PRP4K: variants seen among roughly 807,000 people sequenced by gnomAD.
The protein encoded by PRP4K is pre-mRNA processing factor kinase PRP4K, also known as serine/threonine-protein kinase PRP4 homolog.
the PRP4K span, chr6:4,052,876 A>G: frequency 6.2e-7 from 1 of 1,605,428 alleles, no homozygotes; most frequent in South Asian, 1.1e-5. Flanking sequence ...ATATCCTGGT[A>G]AGTCAAACAG....
chr6:4,062,096 A>G, the PRP4K span: 1 of 152,676 alleles, frequency 6.5e-6, no homozygotes, highest in African/African-American at 2.4e-5. The surrounding 1 kb of genome is among the most constrained non-coding windows in gnomAD (Gnocchi z 4.2). Context: ...AAAAAATCCT[A>G]CAAATATTGT....
the PRP4K span, chr6:4,037,500 A>G: frequency 6.2e-7 from 1 of 1,614,136 alleles, no homozygotes; most frequent in Non-Finnish European, 8.5e-7. Context: ...ATCTCCCATT[A>G]GAAGGAGGTC....
chr6:4,021,516 AG>A, the PRP4K span: 4 of 1,559,742 alleles, frequency 2.6e-6, no homozygotes, highest in South Asian at 2.4e-5. Flanking sequence ...GGGACTGCCG[AG>A]TGGGAGCTGC....
the PRP4K span, chr6:4,032,041 A>C: frequency 6.2e-7 from 1 of 1,614,116 alleles, no homozygotes. Context: ...GAACTTGTGG[A>C]CAATAAAATT....
At chr6:4,049,726 T>C in the PRP4K span, 13 of 1,606,760 alleles carry the variant, frequency 8.1e-6, no homozygotes, top group African/African-American at 1.6e-4. Flanking sequence ...CAATTTGCCT[T>C]TTTAGGTGTG....
the PRP4K span, chr6:4,052,175 C>A: frequency 7.1e-7 from 1 of 1,418,286 alleles, no homozygotes; most frequent in Non-Finnish European, 9.4e-7. Flanking sequence ...AATGCTGTAA[C>A]AGATTTTCTG....
chr6:4,051,369 G>A, the PRP4K span, among the ~76,000 whole-genome samples: 7,810 of 151,976 alleles, frequency 0.051, 655 homozygotes, highest in African/African-American at 0.18. Flanking sequence ...GCTGGCGTGC[G>A]GTGGTGAGAT....
the PRP4K span, chr6:4,037,411 A>T: frequency 6.2e-7 from 1 of 1,609,882 alleles, no homozygotes; most frequent in South Asian, 1.1e-5. Flanking sequence ...CGACCTCGAG[A>T]TGATATCCTC....
chr6:4,059,781 G>A, the PRP4K span, among the ~76,000 whole-genome samples: 1 of 152,130 alleles, frequency 6.6e-6, no homozygotes, highest in African/African-American at 2.4e-5. Flanking sequence ...GAGTAGCTGG[G>A]ATTACAATTG....
At chr6:4,034,269 C>G in the PRP4K span, among the ~76,000 whole-genome samples, 1 of 152,086 alleles carries the variant, frequency 6.6e-6, no homozygotes, top group African/African-American at 2.4e-5. Flanking sequence ...TTCTGCCTGA[C>G]AGCAACTGGT....
chr6:4,029,004 C>T, the PRP4K span, among the ~76,000 whole-genome samples: 1 of 124,446 alleles, frequency 8.0e-6, no homozygotes, highest in Non-Finnish European at 1.8e-5. Flanking sequence ...AATTGGTCTA[C>T]TTGGAATCTT....
the PRP4K span, among the ~76,000 whole-genome samples, chr6:4,034,456 T>C: frequency 3.3e-5 from 5 of 152,178 alleles, no homozygotes; most frequent in African/African-American, 1.2e-4. Flanking sequence ...TACATTTACA[T>C]TGTAGAAAGT....
At chr6:4,022,606 G>A in the PRP4K span, among the ~76,000 whole-genome samples, 2 of 152,136 alleles carry the variant, frequency 1.3e-5, no homozygotes, top group Non-Finnish European at 2.9e-5. Flanking sequence ...CTTAATTGCT[G>A]TGCATCCAGT....
the PRP4K span, chr6:4,049,176 A>G: frequency 3.7e-6 from 5 of 1,349,804 alleles, no homozygotes; most frequent in Admixed American, 2.2e-5. Context: ...GCTTGATGCA[A>G]TCACAGATTA....
the PRP4K span, among the ~76,000 whole-genome samples, chr6:4,022,127 A>G: frequency 1.4e-5 from 2 of 143,220 alleles, no homozygotes; most frequent in African/African-American, 5.2e-5. Context: ...GCAAAGTAAG[A>G]TAGAGTCTTT....
At chr6:4,057,249 A>C in the PRP4K span, 4 of 1,539,378 alleles carry the variant, frequency 2.6e-6, no homozygotes, top group Admixed American at 7.8e-5. Context: ...AAGACTGCTG[A>C]CACTTGCTCA....
At chr6:4,064,670 T>C in the PRP4K span, 2 of 152,654 alleles carry the variant, frequency 1.3e-5, no homozygotes, top group East Asian at 3.8e-4. Flanking sequence ...GTCTTCCTTA[T>C]AGAAATGTTC....
chr6:4,048,180 CAT>C, the PRP4K span, among the ~76,000 whole-genome samples: 1 of 151,926 alleles, frequency 6.6e-6, no homozygotes, highest in South Asian at 2.1e-4. Context: ...AGATCGAGAC[CAT>C]CCTGGCTAAT....
chr6:4,054,681 A>T, the PRP4K span, among the ~76,000 whole-genome samples: 1 of 152,114 alleles, frequency 6.6e-6, no homozygotes, highest in African/African-American at 2.4e-5. Flanking sequence ...TAATTTTTGT[A>T]TTTTAGTAGA....
Sources: allele counts gnomAD v4.1 joint callset (sites outside exome capture counted in the v4.1 genomes callset), GRCh38; gene constraint gnomAD v4.1.1; non-coding constraint Gnocchi (gnomAD v3.1); transcripts MANE v1.5; gene names NCBI Gene and HGNC (gene_info 2026-07-23, HGNC 2026-07-21).